ZFYVE28: variants seen among roughly 807,000 people sequenced by gnomAD.
ZFYVE28 encodes the protein zinc finger FYVE-type containing 28, also known as lateral signaling target protein 2 homolog.
Under a neutral mutation model 82.1 loss-of-function variants are expected in ZFYVE28, and 40 were observed. That is an observed-to-expected ratio of 0.49 (90% confidence interval 0.38 to 0.63). ZFYVE28 has a LOEUF of 0.63. Among genes scored for constraint, ZFYVE28 ranks in the 30% least tolerant of loss-of-function variants. The pLI is 0.00. For synonymous variants in ZFYVE28, 612 were observed against 546.1 expected (o/e 1.12, Z -1.68); for missense variants, 1,321 against 1,242.1 (o/e 1.06, Z -0.96).
intron 1 of ZFYVE28, among the ~76,000 whole-genome samples, chr4:2,406,062 A>AGAAAAGAAAGAAAG (rs11451239): frequency 8.0e-5 from 10 of 125,082 alleles, no homozygotes; most frequent in African/African-American, 3.3e-4. Flanking sequence ...AAAAAAAAAA[A>AGAAAAGAAAGAAAG]AAAGAAAGAA....
Position 2,305,533 on chromosome 4 carries a change from A to C in ZFYVE28, c.807T>G (p.Asp269Glu). The change falls in exon 8 of 13, where the codon GAT becomes GAG. Residue 269 changes from aspartate (D) to glutamate (E), a missense_variant. This residue lies in a region of ZFYVE28 where 343 missense variants were observed against 408.4 expected (regional missense o/e 0.84). Coordinates refer to ENST00000290974, the MANE Select transcript of ZFYVE28 (RefSeq NM_020972.3). ...CCTCCTCCGTCAGCGTCTGCAGCAA[A>C]TCCCTACGAATCAAGACAAAACCCA... is the stretch of plus-strand genomic sequence containing the variant. The part of the protein sequence containing the change: ...PFHTLLRKIR[D>E]LLQTLTEEEL... 1 of 1,612,898 alleles carries C rather than the reference A, an allele frequency of 6.2e-7. No homozygotes were observed.
At chr4:2,360,631 A>T (rs1037902698) in intron 1 of ZFYVE28, among the ~76,000 whole-genome samples, 1 of 152,158 alleles carries the variant, frequency 6.6e-6, no homozygotes, top group African/African-American at 2.4e-5. Context: ...GTGAGCAGAC[A>T]CCTTCAGGCA....
At position 2,418,460 on chromosome 4, in the gene ZFYVE28, GC is replaced by G. The variant is rs1369841763; in HGVS notation, c.-138del. On this transcript the variant is annotated 5_prime_UTR_variant, in exon 1 of 13. Transcript: ENST00000290974. This position sits in a 1 kb window ranked among gnomAD's most constrained non-coding sequence, Gnocchi z 4.6. ...TGTCGCAGGGAGGCTGGCTAGCGAA[GC>G]CCGGAGCGCCGAGCGGGCGGCGGGC... 4 of 628,698 alleles carry G rather than the reference GC, an allele frequency of 6.4e-6. No homozygotes were observed. In the African/African-American group the frequency reaches 8.0e-5, roughly 13 times the overall value. 38.9% of individuals were successfully genotyped at this position (628,698 alleles called of 1,614,324 possible).
intron 7 of ZFYVE28, among the ~76,000 whole-genome samples, chr4:2,305,882 C>G (rs1043196636): frequency 2.6e-5 from 4 of 152,270 alleles, no homozygotes; most frequent in Non-Finnish European, 5.9e-5. Context: ...AAAATACATG[C>G]TGGTTTACAC....
intron 1 of ZFYVE28, among the ~76,000 whole-genome samples, chr4:2,369,731 G>A (rs2108902921): frequency 6.6e-6 from 1 of 151,958 alleles, no homozygotes; most frequent in African/African-American, 2.4e-5. Context: ...ACCGGGAGCT[G>A]GAGAAGGCAA....
At chr4:2,352,848 G>A (rs548100663) in intron 2 of ZFYVE28, among the ~76,000 whole-genome samples, 2 of 152,310 alleles carry the variant, frequency 1.3e-5, no homozygotes, top group East Asian at 1.9e-4. Context: ...CCTCCCCAAA[G>A]GTTGCCATGA....
intron 10 of ZFYVE28, among the ~76,000 whole-genome samples, chr4:2,272,342 G>A (rs551770642): frequency 6.6e-6 from 1 of 152,308 alleles, no homozygotes; most frequent in South Asian, 2.1e-4. Flanking sequence ...TGGCTCTGCT[G>A]GAACAAGTGC....
At chr4:2,331,403 A>G (rs1720687406) in intron 6 of ZFYVE28, among the ~76,000 whole-genome samples, 1 of 152,002 alleles carries the variant, frequency 6.6e-6, no homozygotes, top group Non-Finnish European at 1.5e-5. Context: ...GCACTTTAGG[A>G]GACCAAGGCA....
At chr4:2,293,646 G>A (rs10452335) in intron 8 of ZFYVE28, among the ~76,000 whole-genome samples, 6 of 150,978 alleles carry the variant, frequency 4.0e-5, no homozygotes, top group South Asian at 2.1e-4. Context: ...CCAGCTACTC[G>A]GGAGGCTGAG....
chr4:2,403,242 C>T (rs1238351412), intron 1 of ZFYVE28, among the ~76,000 whole-genome samples: 1 of 152,208 alleles, frequency 6.6e-6, no homozygotes, highest in East Asian at 1.9e-4. Flanking sequence ...GGGGAAAAAG[C>T]CTGTACCCCA....
intron 1 of ZFYVE28, among the ~76,000 whole-genome samples, chr4:2,364,250 G>A (rs900833159): frequency 2.0e-5 from 3 of 152,190 alleles, no homozygotes; most frequent in African/African-American, 7.2e-5. Context: ...TGCAGACCAG[G>A]GCTCGGTGCT....
At chr4:2,351,355 T>C (rs1386239128) in intron 2 of ZFYVE28, among the ~76,000 whole-genome samples, 2 of 152,148 alleles carry the variant, frequency 1.3e-5, no homozygotes, top group Admixed American at 1.3e-4. Context: ...AGAAAGGTAT[T>C]AGGATACAAG....
At position 2,274,131 on chromosome 4, in the gene ZFYVE28, T is replaced by C. The variant is rs765391040; in HGVS notation, c.2137A>G (p.Arg713Gly). 1.1e-5 allele frequency: 17 copies of C among 1,613,512 alleles called. 1 individual carries two copies. The Middle Eastern group carries it at 1.5e-3, about 140-fold the overall frequency. The change falls in exon 9 of 13, where the codon AGA (arginine) becomes GGA (glycine). Residue 713 changes from arginine (R) to glycine (G), a missense_variant. This residue lies in a region of ZFYVE28 where 978 missense variants were observed against 833.7 expected (regional missense o/e 1.17). Transcript: ENST00000290974. Reference sequence around the variant, plus strand: ...TGGAACCTGGACCGGATCTTCTCTCTTGTGGCCTGTGGGGCAGCATGCGTG... The same window carrying C: ...TGGAACCTGGACCGGATCTTCTCTCCTGTGGCCTGTGGGGCAGCATGCGTG... Reference protein sequence around the residue: ...AATHAAPQATREKIRSRFHGS... With the variant: ...AATHAAPQATGEKIRSRFHGS...
chr4:2,278,901 A>C (rs1044074880), intron 8 of ZFYVE28, among the ~76,000 whole-genome samples: 1 of 150,464 alleles, frequency 6.6e-6, no homozygotes, highest in African/African-American at 2.5e-5. Flanking sequence ...ATTAAATACC[A>C]TTTTATCTAT....
At chr4:2,334,007 G>T (rs781402707) in intron 6 of ZFYVE28, among the ~76,000 whole-genome samples, 1 of 152,188 alleles carries the variant, frequency 6.6e-6, no homozygotes, top group Non-Finnish European at 1.5e-5. Context: ...CCACCTTGTC[G>T]CTGGCCACTG....
chr4:2,312,726 CAAA>C (rs1170479977), intron 7 of ZFYVE28, among the ~76,000 whole-genome samples: 103 of 64,934 alleles, frequency 1.6e-3, no homozygotes, highest in African/African-American at 4.9e-3. Flanking sequence ...GACTCTGCCT[CAAA>C]AAAAAAAAAA....
chr4:2,302,191 A>G (rs1259411005), intron 8 of ZFYVE28, among the ~76,000 whole-genome samples: 2 of 152,236 alleles, frequency 1.3e-5, no homozygotes, highest in East Asian at 1.9e-4. Context: ...CTTTGCTTAC[A>G]TTTTTGAAAA....
At chr4:2,299,960 C>T (rs1715262937) in intron 8 of ZFYVE28, among the ~76,000 whole-genome samples, 1 of 152,070 alleles carries the variant, frequency 6.6e-6, no homozygotes, top group South Asian at 2.1e-4. Flanking sequence ...CTGCACCTGG[C>T]TAATTTACTT....
At chr4:2,338,815 T>C (rs1273529952) in intron 4 of ZFYVE28, among the ~76,000 whole-genome samples, 3 of 151,944 alleles carry the variant, frequency 2.0e-5, no homozygotes, top group Non-Finnish European at 4.4e-5. Flanking sequence ...TGCCTCCGTG[T>C]TTTGTTTGTT....
Sources: allele counts gnomAD v4.1 joint callset (sites outside exome capture counted in the v4.1 genomes callset), GRCh38; gene constraint gnomAD v4.1.1; regional missense constraint gnomAD v4.1.1; non-coding constraint Gnocchi (gnomAD v3.1); transcripts MANE v1.5; gene names NCBI Gene and HGNC (gene_info 2026-07-23, HGNC 2026-07-21).